LHFPL3: variants seen among roughly 807,000 people sequenced by gnomAD.
LHFPL3 encodes the protein LHFPL tetraspan subfamily member 3, also known as LHFPL tetraspan subfamily member 3 protein.
In LHFPL3, 5 loss-of-function variants were observed where a neutral mutation model predicts 19.3. The ratio of observed to expected loss-of-function variants is 0.26; its 90% CI spans 0.14 to 0.54. The LOEUF is 0.54. Among genes scored for constraint, LHFPL3 ranks in the 20% least tolerant of loss-of-function variants. LHFPL3 has a pLI of 0.94. For missense variants in LHFPL3, 249 were observed against 307.4 expected (o/e 0.81, Z 1.42); for synonymous variants, 133 against 126.2 (o/e 1.05, Z -0.36).
chr7:104,714,257 A>G (rs1793346368), intron 1 of LHFPL3, among the ~76,000 whole-genome samples: 1 of 152,134 alleles, frequency 6.6e-6, no homozygotes, highest in African/African-American at 2.4e-5. Flanking sequence ...GCCTTTTTCA[A>G]TTCAATTTCT....
intron 1 of LHFPL3, among the ~76,000 whole-genome samples, chr7:104,611,984 T>C (rs1381727111): frequency 6.6e-6 from 1 of 152,138 alleles, no homozygotes; most frequent in Non-Finnish European, 1.5e-5. Context: ...CTAGAGTAAG[T>C]GCTCAAAAAC....
intron 1 of LHFPL3, among the ~76,000 whole-genome samples, chr7:104,658,801 T>TA (rs1792167258): frequency 6.6e-6 from 1 of 152,016 alleles, no homozygotes. Flanking sequence ...AAAAACAAAC[T>TA]AAAAAACAAG....
chr7:104,614,708 T>C (rs868769447), intron 1 of LHFPL3, among the ~76,000 whole-genome samples: 1,909 of 132,924 alleles, frequency 0.014, 43 homozygotes, highest in Non-Finnish European at 0.02. Flanking sequence ...TCTTTCTTTC[T>C]TTCTTTCTTT....
chr7:104,737,619 A>T (rs1015216057), intron 2 of LHFPL3, among the ~76,000 whole-genome samples: 18 of 152,230 alleles, frequency 1.2e-4, no homozygotes, highest in African/African-American at 4.1e-4. Flanking sequence ...GTTATTGAAG[A>T]TGAATCTTTT....
intron 1 of LHFPL3, among the ~76,000 whole-genome samples, chr7:104,594,837 G>C (rs979439032): frequency 6.6e-6 from 1 of 152,066 alleles, no homozygotes; most frequent in African/African-American, 2.4e-5. Flanking sequence ...ATCAGCTATT[G>C]AAGCTTGTGC....
chr7:104,595,062 C>A (rs771474891), intron 1 of LHFPL3, among the ~76,000 whole-genome samples: 1 of 152,216 alleles, frequency 6.6e-6, no homozygotes, highest in African/African-American at 2.4e-5. Flanking sequence ...AGTCATTCTC[C>A]GTCTAGCTTT....
chr7:104,884,047 T>C (rs1171887652), intron 2 of LHFPL3, among the ~76,000 whole-genome samples: 2 of 151,406 alleles, frequency 1.3e-5, no homozygotes, highest in Non-Finnish European at 2.9e-5. Context: ...GTAAAACTTT[T>C]ACAGCCTCTG....
At position 104,328,747 on chromosome 7, in the gene LHFPL3, A is replaced by C. The variant is rs1260690209; in HGVS notation, c.-33A>C. On this transcript the variant is annotated 5_prime_UTR_variant, in exon 1 of 3. Coordinates refer to ENST00000424859, the MANE Select transcript of LHFPL3 (RefSeq NM_199000.3). This position sits in a 1 kb window ranked among gnomAD's most constrained non-coding sequence, Gnocchi z 4.6. The stretch of plus-strand genomic sequence containing the variant: ...GAGAGGCGGGGGGAGGCGGAGGACC[A>C]GGAGGAGGAGGAGGAGGAGGAGGAG... The C allele has an allele frequency of 2.0e-6, 1 of 496,380 alleles. No homozygotes were observed. Among genetic ancestry groups the C allele is most frequent in the African/African-American group, 6.3e-5 (1 of 15,790 alleles). 30.7% of individuals were successfully genotyped at this position (496,380 alleles called of 1,614,324 possible). A position where few individuals can be genotyped will look rare whatever the true frequency, so the allele number is the denominator to read the frequency against.
At chr7:104,630,345 G>A (rs1791617835) in intron 1 of LHFPL3, among the ~76,000 whole-genome samples, 1 of 152,120 alleles carries the variant, frequency 6.6e-6, no homozygotes, top group African/African-American at 2.4e-5. Flanking sequence ...GTTTACAGAA[G>A]GAAATAAACA....
At chr7:104,370,313 C>T (rs1033364342) in intron 1 of LHFPL3, among the ~76,000 whole-genome samples, 2 of 152,118 alleles carry the variant, frequency 1.3e-5, no homozygotes, top group Non-Finnish European at 2.9e-5. Flanking sequence ...CTTGCTGCAC[C>T]GACTGGATAA....
chr7:104,579,272 T>G (rs1252297318), intron 1 of LHFPL3, among the ~76,000 whole-genome samples: 1 of 152,126 alleles, frequency 6.6e-6, no homozygotes, highest in African/African-American at 2.4e-5. Flanking sequence ...ATAGTGAACA[T>G]AGTACCCAAC....
At chr7:104,735,268 G>A (rs898598298) in intron 1 of LHFPL3, among the ~76,000 whole-genome samples, 1 of 152,228 alleles carries the variant, frequency 6.6e-6, no homozygotes, top group African/African-American at 2.4e-5. Context: ...ATTTAAGTCT[G>A]CAGAGCTTTC....
chr7:104,575,559 TAAAA>T (rs58118006), intron 1 of LHFPL3, among the ~76,000 whole-genome samples: 23 of 36,172 alleles, frequency 6.4e-4, no homozygotes, highest in African/African-American at 1.6e-3. Context: ...CAAAGAGATC[TAAAA>T]AAAAAAAAAA....
intron 2 of LHFPL3, among the ~76,000 whole-genome samples, chr7:104,885,973 G>A (rs1584598145): frequency 6.6e-6 from 1 of 152,162 alleles, no homozygotes; most frequent in South Asian, 2.1e-4. Context: ...GATTCCCCTA[G>A]ACATTTTGTT....
chr7:104,331,949 C>CA lies in LHFPL3; in HGVS notation c.445+2737dup, dbSNP rs376546691. ...TGGGAAACAGAGCGAGACCCCATCT[C>CA]AAAAAAAAAAAAGAAAAAGAAAGTT... On this transcript the variant is annotated intron_variant, in intron 1 of 2. Transcript: ENST00000424859. Among the ~76,000 whole-genome samples the CA allele has an allele frequency of 3.9e-3, 512 of 131,332 alleles. 2 individuals are homozygous for CA. The highest frequency in any genetic ancestry group is 0.01 in the South Asian group (41 of 4,032). The allele number at this position is 131,332 out of a possible 152,430, so 86.2% of individuals were successfully genotyped here.
intron 1 of LHFPL3, among the ~76,000 whole-genome samples, chr7:104,587,426 A>T (rs1790603144): frequency 6.6e-6 from 1 of 152,156 alleles, no homozygotes; most frequent in African/African-American, 2.4e-5. Flanking sequence ...AGCTTCATCC[A>T]TGTCCCTACA....
At chr7:104,766,565 A>T (rs993210722) in intron 2 of LHFPL3, among the ~76,000 whole-genome samples, 3 of 152,192 alleles carry the variant, frequency 2.0e-5, no homozygotes, top group Non-Finnish European at 2.9e-5. Flanking sequence ...ATTACTGGGG[A>T]AAAGGGAATG....
chr7:104,441,967 G>A lies in LHFPL3; in HGVS notation c.445+112743G>A, dbSNP rs191146871. ...ATTCTTAATTTTTTGAAGAAGTCTCGGTACTGTTTTCCATAGTGGCTGCAA... is the reference window on the plus strand; with the variant it reads ...ATTCTTAATTTTTTGAAGAAGTCTCAGTACTGTTTTCCATAGTGGCTGCAA... On this transcript the variant is annotated intron_variant, in intron 1 of 2. Transcript: ENST00000424859. Among the ~76,000 whole-genome samples the A allele has an allele frequency of 1.8e-3, 280 of 152,184 alleles. 1 individual carries two copies. Among genetic ancestry groups the A allele is most frequent in the African/African-American group, 6.2e-3 (259 of 41,526 alleles).
chr7:104,643,363 T>C (rs1002919129), intron 1 of LHFPL3, among the ~76,000 whole-genome samples: 2 of 152,222 alleles, frequency 1.3e-5, no homozygotes, highest in African/African-American at 4.8e-5. Flanking sequence ...AGTACCTACC[T>C]CAAACACTTT....
Sources: gnomAD v4.1 joint callset for allele counts (sites outside exome capture counted in the v4.1 genomes callset) on GRCh38, gnomAD v4.1.1 for gene constraint, Gnocchi (gnomAD v3.1) non-coding constraint, MANE v1.5 for transcripts, NCBI Gene and HGNC (gene_info 2026-07-23, HGNC 2026-07-21) for gene names.